GPC5: variants seen among roughly 807,000 people sequenced by gnomAD.
GPC5 encodes glypican-5.
A neutral mutation model predicts 53.9 loss-of-function variants in GPC5; 47 were observed. The ratio of observed to expected loss-of-function variants is 0.87; its 90% CI spans 0.69 to 1.11. GPC5 has a LOEUF of 1.11. Ranked by LOEUF, GPC5 falls within the 50% of genes most tolerant of loss-of-function variation. The pLI is 0.00. For missense variants in GPC5, 748 were observed against 713.1 expected, an observed-to-expected ratio of 1.05 and a Z score of -0.56; for synonymous variants, 286 against 263.3, an observed-to-expected ratio of 1.09 and a Z score of -0.84.
At chr13:92,282,046 C>G (rs1294430365) in intron 7 of GPC5, among the ~76,000 whole-genome samples, 1 of 152,102 alleles carries the variant, frequency 6.6e-6, no homozygotes, top group Non-Finnish European at 1.5e-5. Flanking sequence ...GCAGAGAAGT[C>G]CTTAAATGAC....
At chr13:91,721,137 C>CTTTCTTTCTTTG (rs1181362469) in intron 3 of GPC5, among the ~76,000 whole-genome samples, 94 of 92,132 alleles carry the variant, frequency 1.0e-3, no homozygotes, top group African/African-American at 4.0e-3. Context: ...TTCTTTCTTT[C>CTTTCTTTCTTTG]TTTTTTTGGG....
chr13:91,838,964 T>C (rs1215154829), intron 5 of GPC5, among the ~76,000 whole-genome samples: 1 of 124,720 alleles, frequency 8.0e-6, no homozygotes, highest in Non-Finnish European at 1.8e-5. Flanking sequence ...CCTACATACG[T>C]ATATACTCAA....
chr13:91,465,451 A>C (rs1882176798), intron 2 of GPC5, among the ~76,000 whole-genome samples: 1 of 152,068 alleles, frequency 6.6e-6, no homozygotes, highest in East Asian at 1.9e-4. Flanking sequence ...CTTCCACTTA[A>C]GTACTACAGT....
intron 5 of GPC5, among the ~76,000 whole-genome samples, chr13:91,887,845 T>A (rs1477929966): frequency 6.6e-6 from 1 of 152,146 alleles, no homozygotes; most frequent in Non-Finnish European, 1.5e-5. Flanking sequence ...ATTTTCTACA[T>A]CTTCTTGTCT....
At chr13:92,081,312 G>A (rs1360205517) in intron 6 of GPC5, among the ~76,000 whole-genome samples, 1 of 152,112 alleles carries the variant, frequency 6.6e-6, no homozygotes, top group East Asian at 1.9e-4. Context: ...ATGTTGGCCA[G>A]GCTGGTCTCG....
intron 7 of GPC5, among the ~76,000 whole-genome samples, chr13:92,326,085 CA>C (rs1315100760): frequency 2.0e-5 from 3 of 151,950 alleles, no homozygotes; most frequent in African/African-American, 7.2e-5. Flanking sequence ...TAAGATTTTT[CA>C]AAATCATTGA....
intron 2 of GPC5, among the ~76,000 whole-genome samples, chr13:91,630,223 GACTA>G (rs1290178253): frequency 1.3e-5 from 2 of 152,136 alleles, no homozygotes; most frequent in Non-Finnish European, 2.9e-5. Context: ...CTCTTTGGAA[GACTA>G]ACTTCTACTG....
At chr13:92,015,829 T>C (rs544066518) in intron 6 of GPC5, among the ~76,000 whole-genome samples, 15 of 152,340 alleles carry the variant, frequency 9.8e-5, no homozygotes, top group African/African-American at 3.6e-4. Context: ...GATAAATGAA[T>C]GAATAGAATT....
intron 7 of GPC5, among the ~76,000 whole-genome samples, chr13:92,321,944 T>C (rs2043218712): frequency 1.3e-5 from 2 of 152,172 alleles, no homozygotes; most frequent in Admixed American, 6.6e-5. Context: ...TTTGTAACTT[T>C]AAATAATCTA....
chr13:91,530,500 C>T (rs986900955), intron 2 of GPC5, among the ~76,000 whole-genome samples: 1 of 152,152 alleles, frequency 6.6e-6, no homozygotes, highest in Non-Finnish European at 1.5e-5. Context: ...GCATAATATG[C>T]CTCCTTCATT....
intron 5 of GPC5, among the ~76,000 whole-genome samples, chr13:91,802,906 C>T (rs1456689021): frequency 6.6e-6 from 1 of 152,066 alleles, no homozygotes; most frequent in East Asian, 1.9e-4. Context: ...AATATTAATA[C>T]TAATACTTTT....
intron 6 of GPC5, among the ~76,000 whole-genome samples, chr13:92,057,702 A>T (rs1278588791): frequency 1.3e-5 from 2 of 152,172 alleles, no homozygotes; most frequent in African/African-American, 2.4e-5. Flanking sequence ...TGGTTTGTTT[A>T]ACATGGATCC....
chr13:92,517,997 T>G (rs573470275), intron 7 of GPC5, among the ~76,000 whole-genome samples: 2 of 152,274 alleles, frequency 1.3e-5, no homozygotes, highest in South Asian at 4.1e-4. Flanking sequence ...CTGATGGAGC[T>G]GAAAACCATG....
At chr13:91,943,325 GA>G (rs1212432454) in intron 6 of GPC5, among the ~76,000 whole-genome samples, 1 of 151,712 alleles carries the variant, frequency 6.6e-6, no homozygotes, top group East Asian at 1.9e-4. Context: ...GCAATTTTAA[GA>G]AAAGTTTATT....
chr13:91,963,103 T>C (rs1194897382), intron 6 of GPC5, among the ~76,000 whole-genome samples: 1 of 152,172 alleles, frequency 6.6e-6, no homozygotes, highest in Admixed American at 6.6e-5. Flanking sequence ...TTAATATTTC[T>C]GTACCTCTGA....
intron 7 of GPC5, among the ~76,000 whole-genome samples, chr13:92,442,455 T>G (rs551682526): frequency 1.3e-5 from 2 of 152,266 alleles, no homozygotes; most frequent in East Asian, 3.9e-4. Flanking sequence ...GCAGAGATCC[T>G]GGGACCCATA....
intron 1 of GPC5, among the ~76,000 whole-genome samples, chr13:91,411,001 C>T (rs927974790): frequency 2.0e-5 from 3 of 152,046 alleles, no homozygotes; most frequent in African/African-American, 4.8e-5. Flanking sequence ...CCCAGCTACT[C>T]GGGAAGCCGA....
chr13:91,782,607 A>G (rs2037815965), intron 5 of GPC5, among the ~76,000 whole-genome samples: 1 of 152,152 alleles, frequency 6.6e-6, no homozygotes, highest in Non-Finnish European at 1.5e-5. Flanking sequence ...GGGGATTACA[A>G]TTCGAGATGA....
At chr13:91,710,769 C>T (rs544272432) in intron 3 of GPC5, among the ~76,000 whole-genome samples, 3 of 152,238 alleles carry the variant, frequency 2.0e-5, no homozygotes, top group Admixed American at 1.3e-4. Flanking sequence ...ACAGAATCCA[C>T]GTGGTTCATC....
Sources: allele counts gnomAD v4.1 joint callset (sites outside exome capture counted in the v4.1 genomes callset), GRCh38; gene constraint gnomAD v4.1.1; transcripts MANE v1.5; gene names NCBI Gene and HGNC (gene_info 2026-07-23, HGNC 2026-07-21).